The following ZC2HC1B variants were observed in gnomAD, a reference collection of about 807,000 sequenced individuals.
ZC2HC1B encodes the protein zinc finger C2HC-type containing 1B.
A neutral mutation model predicts 31.0 loss-of-function variants in ZC2HC1B; 36 were observed. That is an observed-to-expected ratio of 1.16 (90% CI 0.89 to 1.54). The LOEUF (loss-of-function observed/expected upper bound fraction) is 1.54, where lower values mean the gene tolerates loss of function less well. ZC2HC1B is among the 40% of genes most tolerant of loss of function. The pLI is 0.00. For synonymous variants in ZC2HC1B, 73 were observed against 88.0 expected, an observed-to-expected ratio of 0.83 and a Z score of 0.95; for missense variants, 260 against 268.6, an observed-to-expected ratio of 0.97 and a Z score of 0.22.
chr6:143,916,635 T>G (rs570636301), intron 6 of ZC2HC1B, among the ~76,000 whole-genome samples: 82 of 152,318 alleles, frequency 5.4e-4, no homozygotes, highest in Admixed American at 1.4e-3. Flanking sequence ...GGAGTACACC[T>G]CTTGCATCAG....
chr6:143,889,872 A>G (rs1360375213), intron 4 of ZC2HC1B, among the ~76,000 whole-genome samples: 1 of 152,194 alleles, frequency 6.6e-6, no homozygotes, highest in Admixed American at 6.5e-5. Flanking sequence ...AGTGTTTTCA[A>G]GTATACGTGG....
At chr6:143,898,714 T>C (rs749261639) in intron 5 of ZC2HC1B, 23 bp downstream of exon 5, 79 of 1,551,580 alleles carry the variant, frequency 5.1e-5, no homozygotes, top group Non-Finnish European at 6.7e-5. Flanking sequence ...CCCCAGGTGT[T>C]GGCTCTTGTG....
Position 143,923,366 on chromosome 6 carries a change from G to A in ZC2HC1B, c.599-14283G>A, listed in dbSNP as rs1422424071. ...TCTGAATATTAGTTCCTTGGGAGAT[G>A]AATGGTTTGCAAATATTTTCTCCTA... On this transcript the variant is annotated intron_variant, in intron 6 of 7. Transcript: ENST00000237275. This position sits in a 1 kb window ranked among gnomAD's most constrained non-coding sequence, Gnocchi z 4.8. Among the ~76,000 whole-genome samples, 2 of 152,274 alleles carry A rather than the reference G, an allele frequency of 1.3e-5. No individual in the cohort carries two copies. The highest frequency in any genetic ancestry group is 3.9e-4 in the East Asian group (2 of 5,192).
rs1778155081 is a variant in ZC2HC1B at position 143,934,501 on chromosome 6, CAT to C, written c.599-3145_599-3144del. Among the ~76,000 whole-genome samples, 1 of 152,158 alleles carries C rather than the reference CAT, an allele frequency of 6.6e-6. No individual in the cohort carries two copies. Among genetic ancestry groups the C allele is most frequent in the African/African-American group, 2.4e-5 (1 of 41,424 alleles). On this transcript the variant is annotated intron_variant, in intron 6 of 7. Transcript: ENST00000237275. The surrounding 1 kb of genome is among the most constrained non-coding windows in gnomAD (Gnocchi z 4.6). ...GAGAATTGTATTCCTTTGGAGGAGTCATATTTTCTTGCATTTTTATGTTTCTT... is the reference window on the plus strand; with the variant it reads ...GAGAATTGTATTCCTTTGGAGGAGTCATTTTCTTGCATTTTTATGTTTCTT...
Position 143,924,587 on chromosome 6 carries a change from C to T in ZC2HC1B, c.599-13062C>T, listed in dbSNP as rs1306255416. Among the ~76,000 whole-genome samples the T allele has an allele frequency of 6.6e-6, 1 of 152,026 alleles. No individual in the cohort carries two copies. The highest frequency in any genetic ancestry group is 1.9e-4 in the East Asian group (1 of 5,196). ...AAATGAAGTGGTGGAACTGGGTATCCAATGTCTTGTTACAGGTCTTTCAGC... is the reference window on the plus strand; with the variant it reads ...AAATGAAGTGGTGGAACTGGGTATCTAATGTCTTGTTACAGGTCTTTCAGC... On this transcript the variant is annotated intron_variant, in intron 6 of 7. Coordinates refer to ENST00000237275, the MANE Select transcript of ZC2HC1B (RefSeq NM_001013623.3). This position sits in a 1 kb window ranked among gnomAD's most constrained non-coding sequence, Gnocchi z 5.2.
Position 143,893,925 on chromosome 6 carries a change from A to C in ZC2HC1B, c.350-4627A>C, listed in dbSNP as rs139324058. Among the ~76,000 whole-genome samples, 525 of 152,210 alleles carry C rather than the reference A, an allele frequency of 3.4e-3. 3 individuals carry two copies. Among genetic ancestry groups the C allele is most frequent in the African/African-American group, 0.011 (467 of 41,538 alleles). On this transcript the variant is annotated intron_variant, in intron 4 of 7. Coordinates refer to ENST00000237275, the MANE Select transcript of ZC2HC1B (RefSeq NM_001013623.3). Reference sequence around the variant, plus strand: ...ATGGTCTTGATCTCCTGACCTCGTGATCCACCCACCTCAGCCTCCCAAAGT... The same window carrying C: ...ATGGTCTTGATCTCCTGACCTCGTGCTCCACCCACCTCAGCCTCCCAAAGT...
chr6:143,883,952 C>T lies in ZC2HC1B; in HGVS notation c.29-352C>T, dbSNP rs1401112246. On this transcript the variant is annotated intron_variant, in intron 1 of 7. Transcript: ENST00000237275. This position sits in a 1 kb window ranked among gnomAD's most constrained non-coding sequence, Gnocchi z 4.1. ...CTAGTAGGAGTCCCAAAGATGTTAC[C>T]ACTGGTGGTAAAAATACCACCTTAT... is the stretch of plus-strand genomic sequence containing the variant. 6.6e-6 allele frequency among the ~76,000 whole-genome samples: 1 copy of T among 152,144 alleles called. No homozygotes were observed. The highest frequency in any genetic ancestry group is 1.5e-5 in the Non-Finnish European group (1 of 68,040).
chr6:143,873,300 C>CT (rs1777366044), intron 1 of ZC2HC1B, among the ~76,000 whole-genome samples: 1 of 152,234 alleles, frequency 6.6e-6, no homozygotes, highest in African/African-American at 2.4e-5. Flanking sequence ...GTCTTGGCAG[C>CT]TCTGCCTCTG....
At chr6:143,866,798 G>A (rs1231132807) in intron 1 of ZC2HC1B, among the ~76,000 whole-genome samples, 1 of 152,198 alleles carries the variant, frequency 6.6e-6, no homozygotes, top group Non-Finnish European at 1.5e-5. Context: ...CATTTTAATT[G>A]TGAAACTTAC....
intron 6 of ZC2HC1B, among the ~76,000 whole-genome samples, chr6:143,920,778 C>T (rs1394769092): frequency 2.6e-5 from 4 of 151,796 alleles, no homozygotes; most frequent in Middle Eastern, 3.4e-3. Context: ...TGTGGTGGGA[C>T]GTGCCTGTAA....
rs13197619 is a variant in ZC2HC1B at position 143,929,878 on chromosome 6, A to G, written c.599-7771A>G. ...TCTAAATTTTCCAGTTTGTGAGCAT[A>G]TAAATAGTCATAGTAGTCTCTGATG... On this transcript the variant is annotated intron_variant, in intron 6 of 7. Coordinates refer to ENST00000237275, the MANE Select transcript of ZC2HC1B (RefSeq NM_001013623.3). Among the ~76,000 whole-genome samples the G allele has an allele frequency of 5.2e-4, 79 of 152,298 alleles. No homozygotes were observed. The Middle Eastern group carries it at 0.01, about 20-fold the overall frequency.
At position 143,911,162 on chromosome 6, in the gene ZC2HC1B, T is replaced by C. The variant is rs1342261969; in HGVS notation, c.598+8010T>C. Among the ~76,000 whole-genome samples the C allele has an allele frequency of 6.6e-6, 1 of 152,212 alleles. No individual in the cohort carries two copies. Among genetic ancestry groups the C allele is most frequent in the Non-Finnish European group, 1.5e-5 (1 of 68,026 alleles). On this transcript the variant is annotated intron_variant, in intron 6 of 7. Transcript: ENST00000237275. The surrounding 1 kb of genome is among the most constrained non-coding windows in gnomAD (Gnocchi z 4.5). Reference sequence around the variant, plus strand: ...TTCCTTCATCCCTTTATTTTGAGCCTATGTATGTCTTTGCAAGTAAGATGG... The same window carrying C: ...TTCCTTCATCCCTTTATTTTGAGCCCATGTATGTCTTTGCAAGTAAGATGG...
intron 4 of ZC2HC1B, among the ~76,000 whole-genome samples, chr6:143,891,023 C>T (rs1019194677): frequency 1.2e-4 from 18 of 150,462 alleles, no homozygotes; most frequent in African/African-American, 4.2e-4. Flanking sequence ...CCCAGTTACT[C>T]GGGAGGCTGA....
intron 4 of ZC2HC1B, among the ~76,000 whole-genome samples, chr6:143,888,756 T>G (rs1031339759): frequency 4.6e-5 from 7 of 152,062 alleles, no homozygotes; most frequent in Non-Finnish European, 7.4e-5. Flanking sequence ...TAACTTGTGC[T>G]GAATTCATTT....
chr6:143,909,034 T>A (rs1777828805), intron 6 of ZC2HC1B, among the ~76,000 whole-genome samples: 1 of 152,218 alleles, frequency 6.6e-6, no homozygotes, highest in African/African-American at 2.4e-5. Context: ...ATTAAGAAAT[T>A]CATATCTTTA....
rs948309924 is a variant in ZC2HC1B, at chr6:143,918,972, C to CT, written c.598+15827dup. Among the ~76,000 whole-genome samples, 2 of 151,938 alleles carry CT rather than the reference C, an allele frequency of 1.3e-5. No homozygotes were observed. Among genetic ancestry groups the CT allele is most frequent in the African/African-American group, 4.8e-5 (2 of 41,378 alleles). ...ATCTTTTTCTTGAGTCTCTTCACAT[C>CT]TTTTTTTAGTTCCCTGAGCATCTTC... On this transcript the variant is annotated intron_variant, in intron 6 of 7. Transcript: ENST00000237275. The surrounding 1 kb of genome is among the most constrained non-coding windows in gnomAD (Gnocchi z 4.1).
At position 143,918,007 on chromosome 6, in the gene ZC2HC1B, A is replaced by C. The variant is rs1242775426; in HGVS notation, c.598+14855A>C. Among the ~76,000 whole-genome samples the C allele has an allele frequency of 2.6e-5, 4 of 152,174 alleles. No homozygotes were observed. The East Asian group carries it at 7.7e-4, about 29-fold the overall frequency. ...AGCTTTTATAATTGTCCATGCATTT[A>C]CCTTTATTGAGATTTTGATTTCTTC... On this transcript the variant is annotated intron_variant, in intron 6 of 7. Coordinates refer to ENST00000237275, the MANE Select transcript of ZC2HC1B (RefSeq NM_001013623.3). This position sits in a 1 kb window ranked among gnomAD's most constrained non-coding sequence, Gnocchi z 4.1.
intron 6 of ZC2HC1B, among the ~76,000 whole-genome samples, chr6:143,920,023 G>A (rs758465504): frequency 6.6e-5 from 10 of 152,116 alleles, no homozygotes; most frequent in Non-Finnish European, 1.2e-4. Flanking sequence ...TAAATTGTAT[G>A]TGTATTCATT....
rs1361232834 is a variant in ZC2HC1B at position 143,917,827 on chromosome 6, TG to T, written c.598+14677del. Among the ~76,000 whole-genome samples the T allele has an allele frequency of 1.3e-5, 2 of 152,260 alleles. No homozygotes were observed. Among genetic ancestry groups the T allele is most frequent in the African/African-American group, 4.8e-5 (2 of 41,476 alleles). ...ATAGTAAACTAATAATTCCTACATT[TG>T]GTCTCTTAAATTATGTATAAAACAA... is the stretch of plus-strand genomic sequence containing the variant. On this transcript the variant is annotated intron_variant, in intron 6 of 7. Coordinates refer to ENST00000237275, the MANE Select transcript of ZC2HC1B (RefSeq NM_001013623.3). The surrounding 1 kb of genome is among the most constrained non-coding windows in gnomAD (Gnocchi z 4.1).
Sources: gnomAD v4.1 joint callset for allele counts (sites outside exome capture counted in the v4.1 genomes callset) on GRCh38, gnomAD v4.1.1 for gene constraint, Gnocchi (gnomAD v3.1) non-coding constraint, MANE v1.5 for transcripts, NCBI Gene and HGNC (gene_info 2026-07-23, HGNC 2026-07-21) for gene names.